The following ME1 variants were observed in gnomAD, a reference collection of about 807,000 sequenced individuals.
ME1 encodes the protein NADP-dependent malic enzyme.
A neutral mutation model predicts 66.4 loss-of-function variants in ME1; 74 were observed. The observed-to-expected ratio is 1.11, with a 90% confidence interval of 0.92 to 1.35. The LOEUF (loss-of-function observed/expected upper bound fraction) is 1.35, where lower values mean the gene tolerates loss of function less well. ME1 is among the 40% of genes most tolerant of loss of function. The pLI, the probability that ME1 is intolerant of heterozygous loss-of-function variation, is 0.00. For missense variants in ME1, 750 were observed against 694.1 expected (o/e 1.08, Z -0.90); for synonymous variants, 251 against 235.6 (o/e 1.07, Z -0.60).
At chr6:83,216,271 C>T (rs940539476) in intron 13 of ME1, among the ~76,000 whole-genome samples, 7 of 152,216 alleles carry the variant, frequency 4.6e-5, no homozygotes, top group African/African-American at 9.6e-5. Flanking sequence ...AAAAAAAGAA[C>T]GATAGAGAGG....
intron 3 of ME1, chr6:83,392,917 T>C (rs1769652241): frequency 2.5e-6 from 2 of 807,698 alleles, no homozygotes; most frequent in Non-Finnish European, 2.2e-6. Context: ...CATGACAACT[T>C]TGGTACCGTG....
At chr6:83,289,375 G>T (rs1583359382) in intron 6 of ME1, among the ~76,000 whole-genome samples, 1 of 152,130 alleles carries the variant, frequency 6.6e-6, no homozygotes, top group African/African-American at 2.4e-5. Context: ...GTTGAATATT[G>T]TTGAAGGCCT....
At chr6:83,392,969 T>C (rs1191846821) in intron 3 of ME1, 2 of 845,154 alleles carry the variant, frequency 2.4e-6, no homozygotes, top group Non-Finnish European at 4.0e-6. Flanking sequence ...AGACTATGGA[T>C]GGCTCCTATG....
chr6:83,225,320 A>G (rs1044511157), intron 11 of ME1, among the ~76,000 whole-genome samples: 1 of 151,570 alleles, frequency 6.6e-6, no homozygotes, highest in Admixed American at 6.6e-5. Context: ...CATCTAGTTG[A>G]GAGTATTTAG....
intron 3 of ME1, among the ~76,000 whole-genome samples, chr6:83,372,342 T>C (rs1024926297): frequency 6.6e-6 from 1 of 152,192 alleles, no homozygotes; most frequent in Non-Finnish European, 1.5e-5. Flanking sequence ...CAAGACTGAC[T>C]GGGGTATGGT....
At chr6:83,420,721 TCAAG>T (rs1770247786) in intron 1 of ME1, among the ~76,000 whole-genome samples, 2 of 152,150 alleles carry the variant, frequency 1.3e-5, no homozygotes, top group Admixed American at 1.3e-4. Flanking sequence ...CAGTGTTACT[TCAAG>T]AATAATCCCT....
intron 6 of ME1, among the ~76,000 whole-genome samples, chr6:83,291,249 G>A (rs1396028038): frequency 3.3e-5 from 5 of 152,170 alleles, no homozygotes; most frequent in Non-Finnish European, 7.3e-5. Flanking sequence ...TTTTTGCAGT[G>A]GCTGGTACCA....
In ME1 at chr6:83,247,445, T is replaced by C. The variant is rs114171793; in HGVS notation, c.814+6184A>G. 7.7e-3 allele frequency among the ~76,000 whole-genome samples: 1,174 copies of C among 152,222 alleles called. 18 individuals are homozygous for C. The highest frequency in any genetic ancestry group is 0.026 in the African/African-American group (1,074 of 41,568). On this transcript the variant is annotated intron_variant, in intron 7 of 13. Transcript: ENST00000369705. Reference sequence around the variant, plus strand: ...AAATCTATATTATTTAAGGTTATTTTAGATAACTAACAGTAGAATTCTAAG... The same window carrying C: ...AAATCTATATTATTTAAGGTTATTTCAGATAACTAACAGTAGAATTCTAAG...
At chr6:83,354,091 T>C (rs1768844661) in intron 3 of ME1, among the ~76,000 whole-genome samples, 1 of 152,118 alleles carries the variant, frequency 6.6e-6, no homozygotes, top group African/African-American at 2.4e-5. Context: ...TCCTCTCTTC[T>C]CCAGCTACAC....
intron 7 of ME1, among the ~76,000 whole-genome samples, chr6:83,244,575 CT>C (rs953285978): frequency 1.3e-5 from 2 of 151,954 alleles, no homozygotes; most frequent in African/African-American, 4.8e-5. Context: ...AAATTTGAGG[CT>C]GGGGGTATGC....
At chr6:83,302,242 C>T (rs1170519) in intron 6 of ME1, among the ~76,000 whole-genome samples, 2 of 151,802 alleles carry the variant, frequency 1.3e-5, no homozygotes, top group East Asian at 3.9e-4. Flanking sequence ...ATAAGTGAAA[C>T]CTAAATAATA....
intron 3 of ME1, among the ~76,000 whole-genome samples, chr6:83,374,333 T>C (rs934349669): frequency 3.9e-5 from 6 of 152,248 alleles, no homozygotes; most frequent in African/African-American, 1.4e-4. Context: ...GGTTTTGATT[T>C]GCATTTCTCT....
chr6:83,253,729 C>A lies in ME1; in HGVS notation c.714G>T (p.Met238Ile), dbSNP rs377092793. ...AATCTTCAAACTGAATAAGGCAATT[C>A]ATGCCATACCTATGGGACAAAAACA... Reference protein sequence around the residue: ...FMEAVSSKYGMNCLIQFEDFA... With the variant: ...FMEAVSSKYGINCLIQFEDFA... The change falls in exon 7 of 14, where the codon ATG becomes ATT. Residue 238 changes from methionine (M) to isoleucine (I), a missense_variant. By Grantham distance (10) the Met-to-Ile change is conservative. Coordinates refer to ENST00000369705, the MANE Select transcript of ME1 (RefSeq NM_002395.6). The A allele has an allele frequency of 4.1e-5, 65 of 1,573,434 alleles. 1 individual carries two copies. The highest frequency in any genetic ancestry group is 5.1e-5 in the Non-Finnish European group (58 of 1,144,668).
intron 3 of ME1, among the ~76,000 whole-genome samples, chr6:83,369,683 G>T (rs964616050): frequency 6.9e-6 from 1 of 145,472 alleles, no homozygotes; most frequent in Non-Finnish European, 1.5e-5. Context: ...AAGGAAGGAA[G>T]GAAGGAAGGA....
At chr6:83,315,680 C>T (rs1299209300) in intron 5 of ME1, among the ~76,000 whole-genome samples, 6 of 152,102 alleles carry the variant, frequency 3.9e-5, no homozygotes, top group African/African-American at 7.2e-5. Flanking sequence ...AGGCAGATCA[C>T]GAGGTCAGGA....
At chr6:83,324,419 A>C (rs951821972) in intron 5 of ME1, among the ~76,000 whole-genome samples, 3 of 152,000 alleles carry the variant, frequency 2.0e-5, no homozygotes, top group Non-Finnish European at 4.4e-5. Context: ...TGAAAAGATT[A>C]ACAAAATAGA....
At chr6:83,243,848 T>TA (rs1263116929) in intron 7 of ME1, among the ~76,000 whole-genome samples, 1 of 125,852 alleles carries the variant, frequency 7.9e-6, no homozygotes, top group African/African-American at 3.1e-5. Flanking sequence ...ATAAATTATA[T>TA]ATATAATTAT....
chr6:83,316,573 T>A (rs538208019), intron 5 of ME1, among the ~76,000 whole-genome samples: 51 of 151,854 alleles, frequency 3.4e-4, no homozygotes, highest in African/African-American at 1.2e-3. Context: ...ACCCTAGCTA[T>A]TACAATAAGG....
At chr6:83,213,887 G>A (rs538341048) in intron 13 of ME1, among the ~76,000 whole-genome samples, 21 of 151,868 alleles carry the variant, frequency 1.4e-4, no homozygotes, top group Non-Finnish European at 2.6e-4. Context: ...ATAAACAAAC[G>A]AAAGACTCAA....
Sources: allele counts gnomAD v4.1 joint callset (sites outside exome capture counted in the v4.1 genomes callset), GRCh38; gene constraint gnomAD v4.1.1; transcripts MANE v1.5; gene names NCBI Gene and HGNC (gene_info 2026-07-23, HGNC 2026-07-21).